The following PCNX2 variants were observed in gnomAD, a reference collection of about 807,000 sequenced individuals.
PCNX2 encodes pecanex-like protein 2.
In PCNX2, 168 loss-of-function variants were observed where a neutral mutation model predicts 223.8. That is an observed-to-expected ratio of 0.75 (90% confidence interval 0.66 to 0.85). The LOEUF (loss-of-function observed/expected upper bound fraction) is 0.85. Ranked by LOEUF, PCNX2 falls within the 40% of genes least tolerant of loss-of-function variation. PCNX2 has a pLI of 0.00. For synonymous variants in PCNX2, 1,006 were observed against 1,052.6 expected, an observed-to-expected ratio of 0.96 and a Z score of 0.86; for missense variants, 2,507 against 2,675.5, an observed-to-expected ratio of 0.94 and a Z score of 1.39.
intron 9 of PCNX2, among the ~76,000 whole-genome samples, chr1:233,229,332 A>T (rs1451328682): frequency 6.6e-6 from 1 of 152,222 alleles, no homozygotes; most frequent in Non-Finnish European, 1.5e-5. Flanking sequence ...GATAACAGTA[A>T]AGTTGAGATT....
At chr1:233,160,549 G>C in intron 18 of PCNX2, 116 bp from the exon 19 acceptor site, 1 of 1,181,524 alleles carries the variant, frequency 8.5e-7, no homozygotes, top group Non-Finnish European at 1.2e-6. Context: ...CGGATAGCCA[G>C]ACTCAGTTCT....
intron 19 of PCNX2, among the ~76,000 whole-genome samples, chr1:233,140,762 G>C (rs1449324673): frequency 6.6e-6 from 1 of 152,196 alleles, no homozygotes; most frequent in Middle Eastern, 3.2e-3. Flanking sequence ...CTGCCTCTTG[G>C]AACTGGAACA....
At chr1:232,997,175 C>T (rs1669906034) in intron 32 of PCNX2, among the ~76,000 whole-genome samples, 1 of 152,162 alleles carries the variant, frequency 6.6e-6, no homozygotes, top group Non-Finnish European at 1.5e-5. Context: ...AAAAAGTAGC[C>T]ACAGTTGGGT....
intron 19 of PCNX2, among the ~76,000 whole-genome samples, chr1:233,145,838 C>T (rs188311098): frequency 6.6e-6 from 1 of 152,232 alleles, no homozygotes; most frequent in East Asian, 1.9e-4. Flanking sequence ...CAGACCCCAC[C>T]ACTTCCTTAC....
At chr1:233,197,615 C>T (rs1490912241) in intron 15 of PCNX2, among the ~76,000 whole-genome samples, 1 of 152,108 alleles carries the variant, frequency 6.6e-6, no homozygotes, top group African/African-American at 2.4e-5. Context: ...AACCTTCCTC[C>T]CAGGCCCCTC....
At chr1:233,206,551 A>G (rs1176320213) in intron 13 of PCNX2, among the ~76,000 whole-genome samples, 2 of 151,490 alleles carry the variant, frequency 1.3e-5, no homozygotes, top group Non-Finnish European at 3.0e-5. Context: ...GATAGGACTG[A>G]AAAAAAAGTA....
intron 17 of PCNX2, among the ~76,000 whole-genome samples, chr1:233,170,738 T>C (rs1679100798): frequency 6.6e-6 from 1 of 152,256 alleles, no homozygotes; most frequent in Non-Finnish European, 1.5e-5. Context: ...CTTTTAAGTA[T>C]AGTATGACAT....
Position 233,253,989 on chromosome 1 carries a change from G to C in PCNX2, c.1835-1201C>G, listed in dbSNP as rs753011581. Reference sequence around the variant, plus strand: ...TAAGCTCAACAGCCTGTGCCTGAGAGAACAGAATTGAGCCTGAACCTACAA... The same window carrying C: ...TAAGCTCAACAGCCTGTGCCTGAGACAACAGAATTGAGCCTGAACCTACAA... On this transcript the variant is annotated intron_variant, in intron 5 of 33. Coordinates refer to ENST00000258229, the MANE Select transcript of PCNX2 (RefSeq NM_014801.4). This position sits in a 1 kb window ranked among gnomAD's most constrained non-coding sequence, Gnocchi z 4.2. Among the ~76,000 whole-genome samples, 11 of 152,158 alleles carry C rather than the reference G, an allele frequency of 7.2e-5. No homozygotes were observed. Among genetic ancestry groups the C allele is most frequent in the Non-Finnish European group, 1.3e-4 (9 of 68,030 alleles).
At chr1:233,101,461 T>C (rs1035227665) in intron 21 of PCNX2, among the ~76,000 whole-genome samples, 3 of 152,006 alleles carry the variant, frequency 2.0e-5, no homozygotes, top group Non-Finnish European at 4.4e-5. Flanking sequence ...ATTACAAGAG[T>C]GACTCTCAGG....
chr1:232,997,140 A>AGG (rs1669904861), intron 32 of PCNX2, among the ~76,000 whole-genome samples: 1 of 152,112 alleles, frequency 6.6e-6, no homozygotes, highest in Non-Finnish European at 1.5e-5. Context: ...CCCTTTAAAT[A>AGG]ATGAAGTCCC....
intron 21 of PCNX2, among the ~76,000 whole-genome samples, chr1:233,096,452 A>T (rs530412259): frequency 5.3e-5 from 8 of 152,326 alleles, no homozygotes; most frequent in African/African-American, 1.9e-4. Context: ...CAGTGGTTTG[A>T]CTGGAGATGG....
In PCNX2 at chr1:233,002,537, C is replaced by T. The variant is rs560767979; in HGVS notation, c.4953-856G>A. On this transcript the variant is annotated intron_variant, in intron 28 of 33. Transcript: ENST00000258229. ...CAAACAAATGGAAAAACATTCCATG[C>T]TCATGGATAGGAGAATCAATATTGT... Among the ~76,000 whole-genome samples the T allele has an allele frequency of 2.3e-3, 355 of 152,282 alleles. 1 individual carries two copies. Among genetic ancestry groups the T allele is most frequent in the African/African-American group, 8.3e-3 (345 of 41,558 alleles).
intron 21 of PCNX2, among the ~76,000 whole-genome samples, chr1:233,121,747 C>T (rs1246566783): frequency 6.6e-6 from 1 of 152,116 alleles, no homozygotes; most frequent in Admixed American, 6.5e-5. Flanking sequence ...TAGAATGATC[C>T]ATGTAGTAAT....
the PCNX2 span, among the ~76,000 whole-genome samples, chr1:233,310,158 T>C: frequency 6.6e-6 from 1 of 152,226 alleles, no homozygotes; most frequent in East Asian, 1.9e-4. Context: ...CCAATATAAA[T>C]AGTATTTTCT....
At chr1:233,265,553 G>A (rs1237838752) in intron 1 of PCNX2, among the ~76,000 whole-genome samples, 1 of 152,176 alleles carries the variant, frequency 6.6e-6, no homozygotes, top group Admixed American at 6.5e-5. Context: ...ATAAGATGAT[G>A]CAGTTTCTTT....
At chr1:233,155,379 T>C (rs1678058436) in intron 19 of PCNX2, among the ~76,000 whole-genome samples, 1 of 152,228 alleles carries the variant, frequency 6.6e-6, no homozygotes, top group South Asian at 2.1e-4. Flanking sequence ...TATAAGCTTT[T>C]GGATGACAGG....
chr1:233,321,255 G>T, the PCNX2 span, among the ~76,000 whole-genome samples: 2 of 151,796 alleles, frequency 1.3e-5, no homozygotes, highest in African/African-American at 2.4e-5. Context: ...AAAAAAGCAG[G>T]TGAGATCAAT....
chr1:233,193,000 TTATA>T (rs199827360), intron 15 of PCNX2, among the ~76,000 whole-genome samples: 25 of 147,504 alleles, frequency 1.7e-4, no homozygotes, highest in Non-Finnish European at 3.1e-4. Context: ...GACTTATATA[TTATA>T]TATAATTATA....
chr1:233,170,265 A>T (rs1165967434), intron 17 of PCNX2, among the ~76,000 whole-genome samples: 1 of 152,134 alleles, frequency 6.6e-6, no homozygotes, highest in Non-Finnish European at 1.5e-5. Flanking sequence ...CACTCCCACC[A>T]GCAATACATG....
Sources: allele counts gnomAD v4.1 joint callset (sites outside exome capture counted in the v4.1 genomes callset), GRCh38; gene constraint gnomAD v4.1.1; non-coding constraint Gnocchi (gnomAD v3.1); transcripts MANE v1.5; gene names NCBI Gene and HGNC (gene_info 2026-07-23, HGNC 2026-07-21).